RASA3: variants seen among roughly 807,000 people sequenced by gnomAD.
The protein encoded by RASA3 is ras GTPase-activating protein 3.
A neutral mutation model predicts 110.0 loss-of-function variants in RASA3; 73 were observed. That is an observed-to-expected ratio of 0.66 (90% CI 0.55 to 0.81). The LOEUF is 0.81. RASA3 is among the 30% of genes least tolerant of loss of function. The probability of loss-of-function intolerance (pLI) is 0.00; values close to 1 mark genes in which losing one functional copy is unlikely to be tolerated. For synonymous variants in RASA3, 500 were observed against 451.4 expected (o/e 1.11, Z -1.37); for missense variants, 976 against 1,113.2 (o/e 0.88, Z 1.75).
At chr13:114,051,953 C>A in intron 3 of RASA3, 99 bp downstream of exon 3, 1 of 915,642 alleles carries the variant, frequency 1.1e-6, no homozygotes, top group Non-Finnish European at 1.7e-6. Flanking sequence ...CTGCAGCGAC[C>A]CCTCAGCACC....
intron 2 of RASA3, among the ~76,000 whole-genome samples, chr13:114,068,144 G>C (rs1012745704): frequency 6.6e-6 from 1 of 152,254 alleles, no homozygotes; most frequent in Non-Finnish European, 1.5e-5. Flanking sequence ...TCTTCCTGTT[G>C]TGGCCACGGC....
intron 17 of RASA3, among the ~76,000 whole-genome samples, chr13:114,008,040 G>A (rs111793125): frequency 0.29 from 2,720 of 9,320 alleles, 102 homozygotes; most frequent in Middle Eastern, 0.5. Flanking sequence ...CCCACGCACC[G>A]CGTTCCTGAC....
At chr13:114,024,233 T>C (rs747100711) in intron 8 of RASA3, 46 bp downstream of exon 8, 5 of 1,539,096 alleles carry the variant, frequency 3.2e-6, no homozygotes, top group Middle Eastern at 1.7e-4. Flanking sequence ...CTGAGGAGTT[T>C]GGGTGAAAAC....
chr13:114,013,157 G>T lies in RASA3; in HGVS notation c.1497C>A (p.Leu499=), dbSNP rs748229821. The change falls in exon 15 of 24, where the codon CTC becomes CTA. Residue 499 remains leucine (L), a synonymous_variant. Transcript: ENST00000334062. ...PAILSPNLFQ[L]TPHHTDPQTS... ...GGTCACTCACCGTGTGGTGCGGCGT[G>T]AGCTGGAAGAGGTTGGGGGAGAGAA... 3 of 1,613,230 alleles carry T rather than the reference G, an allele frequency of 1.9e-6. No individual in the cohort carries two copies. The African/African-American group carries it at 4.0e-5, about 21-fold the overall frequency.
chr13:114,007,694 T>C, intron 17 of RASA3, 88 bp from the exon 18 acceptor site: 1 of 1,101,924 alleles, frequency 9.1e-7, no homozygotes, highest in African/African-American at 1.5e-5. Context: ...CGGCGGCTAC[T>C]GCCTCCTTTG....
chr13:114,109,352 C>T (rs2080184638), intron 1 of RASA3, among the ~76,000 whole-genome samples: 1 of 152,178 alleles, frequency 6.6e-6, no homozygotes, highest in Non-Finnish European at 1.5e-5. Flanking sequence ...GTTTGTGCTG[C>T]GTGGTTCCCA....
intron 13 of RASA3, 29 bp downstream of exon 13, chr13:114,016,168 G>T (rs763303177): frequency 6.5e-7 from 1 of 1,535,678 alleles, no homozygotes. Flanking sequence ...CAGGTGACTG[G>T]CTTTGGTTGG....
Position 114,008,957 on chromosome 13 carries a change from ACG to A in RASA3, c.1668+428_1668+429del, listed in dbSNP as rs1286084200. Among the ~76,000 whole-genome samples the A allele has an allele frequency of 8.1e-4, 89 of 109,560 alleles. 24 individuals carry two copies. The highest frequency in any genetic ancestry group is 1.8e-3 in the South Asian group (6 of 3,424). The allele number at this position is 109,560 out of a possible 152,430, so 71.9% of individuals were successfully genotyped here. Reference sequence around the variant, plus strand: ...GAGCCCTGCGGTCTGGATGTTCCCCACGCACCGCGTTCCTAACTGTGGGGAGG... The same window carrying A: ...GAGCCCTGCGGTCTGGATGTTCCCCACACCGCGTTCCTAACTGTGGGGAGG... On this transcript the variant is annotated intron_variant, in intron 17 of 23. Transcript: ENST00000334062.
intron 1 of RASA3, among the ~76,000 whole-genome samples, chr13:114,092,488 C>G (rs1169453756): frequency 2.0e-5 from 3 of 152,032 alleles, no homozygotes; most frequent in Non-Finnish European, 4.4e-5. Context: ...GTTCCTCTTG[C>G]TATGGTTTCT....
chr13:114,031,937 A>G (rs2054177599), intron 4 of RASA3, among the ~76,000 whole-genome samples: 1 of 152,190 alleles, frequency 6.6e-6, no homozygotes, highest in South Asian at 2.1e-4. Flanking sequence ...CGGATGGAGC[A>G]GGGACCTCGC....
intron 1 of RASA3, among the ~76,000 whole-genome samples, chr13:114,088,486 C>T (rs572243319): frequency 3.3e-5 from 5 of 152,166 alleles, no homozygotes; most frequent in South Asian, 4.1e-4. Context: ...AATCACACTT[C>T]GACTTCCTTA....
chr13:114,046,915 A>G (rs774155880), intron 3 of RASA3, among the ~76,000 whole-genome samples: 4 of 152,244 alleles, frequency 2.6e-5, no homozygotes, highest in African/African-American at 9.6e-5. Context: ...TCTTTGTGCT[A>G]TAAGTGAAAA....
chr13:114,051,482 C>T (rs538335601), intron 3 of RASA3, among the ~76,000 whole-genome samples: 1 of 152,384 alleles, frequency 6.6e-6, no homozygotes, highest in South Asian at 2.1e-4. Context: ...GGCCCCACAA[C>T]TTACAGGATG....
chr13:114,023,020 C>T lies in RASA3; in HGVS notation c.680+1259G>A, dbSNP rs76150953. Among the ~76,000 whole-genome samples, 360 of 152,290 alleles carry T rather than the reference C, an allele frequency of 2.4e-3. 1 individual carries two copies. Among genetic ancestry groups the T allele is most frequent in the African/African-American group, 8.2e-3 (339 of 41,562 alleles). ...GACAACTATGGGGGACGGATCTGACCGATAACATCAGGGACATTCCTACAG... is the reference window on the plus strand; with the variant it reads ...GACAACTATGGGGGACGGATCTGACTGATAACATCAGGGACATTCCTACAG... On this transcript the variant is annotated intron_variant, in intron 8 of 23. Transcript: ENST00000334062.
chr13:113,992,746 G>T (rs985178313), intron 21 of RASA3, among the ~76,000 whole-genome samples, 158 bp from the exon 22 acceptor site: 3 of 152,244 alleles, frequency 2.0e-5, no homozygotes, highest in African/African-American at 7.2e-5. Context: ...TGCACAGCCG[G>T]TGTGTTGGCT....
rs1408608268 is a variant in RASA3 at position 114,007,527 on chromosome 13, C to CCTTACCCTT, written c.1739_1742+5dup. Reference sequence around the variant, plus strand: ...GCCCTGCCAGACGCCACCTTACCCTCCTTACCCTTCTTTAAGCACGATGGG... The same window carrying CCTTACCCTT: ...GCCCTGCCAGACGCCACCTTACCCTCCTTACCCTTCTTACCCTTCTTTAAGCACGATGGG... On this transcript the variant is annotated splice_donor_region_variant and intron_variant, in intron 18 of 23. Transcript: ENST00000334062. The CCTTACCCTT allele has an allele frequency of 6.2e-7, 1 of 1,609,530 alleles. No individual in the cohort carries two copies. The highest frequency in any genetic ancestry group is 1.1e-5 in the South Asian group (1 of 90,926).
At chr13:114,060,857 G>A (rs913717469) in intron 2 of RASA3, among the ~76,000 whole-genome samples, 1 of 152,164 alleles carries the variant, frequency 6.6e-6, no homozygotes, top group African/African-American at 2.4e-5. Flanking sequence ...CTGGGCCCTC[G>A]GGAAGACCCC....
chr13:114,078,613 A>G (rs1235548650), intron 1 of RASA3, among the ~76,000 whole-genome samples: 1 of 152,242 alleles, frequency 6.6e-6, no homozygotes, highest in African/African-American at 2.4e-5. Context: ...AGTAAAAGGC[A>G]GCACTTAAAC....
chr13:114,051,063 C>G (rs9525353), intron 3 of RASA3, among the ~76,000 whole-genome samples: 152,317 of 152,324 alleles, frequency 1, 76,155 homozygotes, highest in Middle Eastern at 1. Context: ...TCAGATGGAC[C>G]GGGACCCCGC....
Sources: gnomAD v4.1 joint callset for allele counts (sites outside exome capture counted in the v4.1 genomes callset) on GRCh38, gnomAD v4.1.1 for gene constraint, MANE v1.5 for transcripts, NCBI Gene and HGNC (gene_info 2026-07-23, HGNC 2026-07-21) for gene names.